The following KIF21B variants were observed in gnomAD, a reference collection of about 807,000 sequenced individuals.
The protein encoded by KIF21B is kinesin family member 21B, also known as kinesin-like protein KIF21B.
A neutral mutation model predicts 192.9 loss-of-function variants in KIF21B; 85 were observed. That is an observed-to-expected ratio of 0.44 (90% CI 0.37 to 0.53). The LOEUF (loss-of-function observed/expected upper bound fraction) is 0.53. Among genes scored for constraint, KIF21B ranks in the 20% least tolerant of loss-of-function variants. The pLI is 0.00. For missense variants in KIF21B, 1,716 were observed against 2,194.8 expected (o/e 0.78, Z 4.36); for synonymous variants, 832 against 884.6 (o/e 0.94, Z 1.05).
intron 33 of KIF21B, 68 bp from the exon 34 acceptor site, chr1:200,974,981 C>G: frequency 6.6e-7 from 1 of 1,508,450 alleles, no homozygotes; most frequent in Non-Finnish European, 9.1e-7. Context: ...CCCAGGGCCC[C>G]TCTTGCTAGT....
chr1:201,008,489 G>A (rs1413734253), intron 3 of KIF21B, among the ~76,000 whole-genome samples: 2 of 152,170 alleles, frequency 1.3e-5, no homozygotes, highest in South Asian at 2.1e-4. Flanking sequence ...CTAGCCCAAG[G>A]TCACAAGGCT....
chr1:201,005,070 T>A (rs1406921088), intron 5 of KIF21B, 137 bp from the exon 6 acceptor site: 1 of 1,074,534 alleles, frequency 9.3e-7, no homozygotes, highest in Non-Finnish European at 1.3e-6. Flanking sequence ...CATCTGACAA[T>A]GTGCACAGTA....
At chr1:200,976,999 C>T in intron 31 of KIF21B, 106 bp from the exon 32 acceptor site, 1 of 982,608 alleles carries the variant, frequency 1.0e-6, no homozygotes, top group Admixed American at 2.4e-5. Flanking sequence ...GGTACTCACC[C>T]TCCCCTCTCG....
rs1655192225 is a variant in KIF21B at position 200,971,156 on chromosome 1, G to A, written c.*2365C>T. 6.5e-6 allele frequency: 1 copy of A among 152,830 alleles called. No individual in the cohort carries two copies. The highest frequency in any genetic ancestry group is 2.1e-4 in the South Asian group (1 of 4,838). The allele number at this position is 152,830 out of a possible 1,614,324, so 9.5% of individuals were successfully genotyped here. A position where few individuals can be genotyped will look rare whatever the true frequency, so the allele number is the denominator to read the frequency against. On this transcript the variant is annotated 3_prime_UTR_variant, in exon 35 of 35. Transcript: ENST00000461742. ...GGGCCTGCCCCCTAACATGGACCTT[G>A]GACATCCCTGAAAGAGTGGGCAGAG... is the stretch of plus-strand genomic sequence containing the variant.
At position 200,986,650 on chromosome 1, in the gene KIF21B, G is replaced by A. The variant is rs376297088; in HGVS notation, c.3689+194C>T. Among the ~76,000 whole-genome samples the A allele has an allele frequency of 1.3e-5, 2 of 152,110 alleles. No individual in the cohort carries two copies. The highest frequency in any genetic ancestry group is 4.8e-5 in the African/African-American group (2 of 41,418). ...TGGGATTACAGGTGTGAGCCATCAC[G>A]CCTGGCCCATTTCTTCAGTCCACAC... On this transcript the variant is annotated intron_variant, in intron 26 of 34. Coordinates refer to ENST00000461742, the MANE Select transcript of KIF21B (RefSeq NM_001252102.2).
At chr1:201,009,552 C>T in intron 1 of KIF21B, 64 bp from the exon 2 acceptor site, 2 of 1,447,266 alleles carry the variant, frequency 1.4e-6, no homozygotes, top group Non-Finnish European at 1.9e-6. Context: ...CAGGCCCCTC[C>T]CTCACACTGC....
At position 201,000,724 on chromosome 1, in the gene KIF21B, C is replaced by T; in HGVS notation, c.1459G>A (p.Glu487Lys). The change falls in exon 10 of 35, where the codon GAG becomes AAG. Residue 487 changes from glutamate (E) to lysine (K), a missense_variant. Around this residue, in one of 3 missense-constraint regions of KIF21B, gnomAD observed 1,087 missense variants for 1,316.6 expected, o/e 0.83. Coordinates refer to ENST00000461742, the MANE Select transcript of KIF21B (RefSeq NM_001252102.2). This position sits in a 1 kb window ranked among gnomAD's most constrained non-coding sequence, Gnocchi z 6.0. ...CGGAGCTCACTCACTCACCGTAGCT[C>T]CTCGATCTCCCGGATGTAGTTCTGG... ...LIQNYIREIE[E>K]LRTKLLESEA... 6.2e-7 allele frequency: 1 copy of T among 1,614,238 alleles called. No homozygotes were observed. The highest frequency in any genetic ancestry group is 8.5e-7 in the Non-Finnish European group (1 of 1,180,032).
At chr1:200,986,635 G>A (rs1225557182) in intron 26 of KIF21B, among the ~76,000 whole-genome samples, 2 of 152,206 alleles carry the variant, frequency 1.3e-5, no homozygotes, top group Non-Finnish European at 2.9e-5. Context: ...TGGGATTACA[G>A]GTGTGAGCCA....
In KIF21B at chr1:200,982,939, AG is replaced by A. The variant is rs1217948679; in HGVS notation, c.3842+116del. ...AGGGGGGCAGCAGGAAGGGGAGTGG[AG>A]GGGCCGCATGCTGAGGACACGGGTG... On this transcript the variant is annotated intron_variant, in intron 28 of 34. Coordinates refer to ENST00000461742, the MANE Select transcript of KIF21B (RefSeq NM_001252102.2). This position sits in a 1 kb window ranked among gnomAD's most constrained non-coding sequence, Gnocchi z 4.7. 2.3e-6 allele frequency: 2 copies of A among 872,976 alleles called. No individual in the cohort carries two copies. The highest frequency in any genetic ancestry group is 1.7e-5 in the African/African-American group (1 of 60,442). The allele number at this position is 872,976 out of a possible 1,614,324, so 54.1% of individuals were successfully genotyped here.
At chr1:201,019,636 C>T (rs750198297) in intron 1 of KIF21B, among the ~76,000 whole-genome samples, 43 of 151,920 alleles carry the variant, frequency 2.8e-4, no homozygotes, top group Non-Finnish European at 5.6e-4. Context: ...GGGAGGTTTC[C>T]GGGGCCTGTG....
rs1658594350 is a variant in KIF21B, at chr1:201,017,872, A to C, written c.41+5471T>G. Among the ~76,000 whole-genome samples, 3 of 152,244 alleles carry C rather than the reference A, an allele frequency of 2.0e-5. No homozygotes were observed. Among genetic ancestry groups the C allele is most frequent in the African/African-American group, 7.2e-5 (3 of 41,464 alleles). ...TGACCTCCTTTCCACACCCCAGAGC[A>C]GCTGGAGGTGAAAGAGAAAGTCCTC... On this transcript the variant is annotated intron_variant, in intron 1 of 34. Coordinates refer to ENST00000461742, the MANE Select transcript of KIF21B (RefSeq NM_001252102.2). This position sits in a 1 kb window ranked among gnomAD's most constrained non-coding sequence, Gnocchi z 4.1.
Position 201,003,678 on chromosome 1 carries a change from C to T in KIF21B, c.1120G>A (p.Val374Met), listed in dbSNP as rs1194314570. 1 of 1,614,102 alleles carries T rather than the reference C, an allele frequency of 6.2e-7. No individual in the cohort carries two copies. Among genetic ancestry groups the T allele is most frequent in the African/African-American group, 1.3e-5 (1 of 74,932 alleles). Residue 374 changes from valine to methionine, a missense_variant, in exon 8 of 35, where the codon GTG becomes ATG. Transcript: ENST00000461742. ...CTGGTCTTGTCCTGGTTCACTACCA[C>T]CTTGTTCTTGATGTTGCGGGCCCGA... is the stretch of plus-strand genomic sequence containing the variant. ...ANRARNIKNK[V>M]VVNQDKTSQQ...
intron 15 of KIF21B, among the ~76,000 whole-genome samples, chr1:200,995,033 G>A (rs1164504438): frequency 1.3e-5 from 2 of 152,258 alleles, no homozygotes; most frequent in African/African-American, 2.4e-5. Context: ...ACTCTAGTCA[G>A]GTTGATGAAG....
At position 200,988,476 on chromosome 1, in the gene KIF21B, C is replaced by A; in HGVS notation, c.3350+17G>T. On this transcript the variant is annotated intron_variant, in intron 23 of 34. Coordinates refer to ENST00000461742, the MANE Select transcript of KIF21B (RefSeq NM_001252102.2). ...CATGCTGTGAGCCAGCCTCTCACTC[C>A]CAGCTTGCAAACTCACCTGCCCTCA... The A allele has an allele frequency of 6.2e-7, 1 of 1,611,154 alleles. No homozygotes were observed. The highest frequency in any genetic ancestry group is 8.5e-7 in the Non-Finnish European group (1 of 1,178,360).
At position 200,980,289 on chromosome 1, in the gene KIF21B, C is replaced by G. The variant is rs555956295; in HGVS notation, c.3980-574G>C. ...TTGCTTATTGAGATAGGGTCTTGCT[C>G]TGTTGCCCAGGCTGGAGTGTAATTG... is the stretch of plus-strand genomic sequence containing the variant. On this transcript the variant is annotated intron_variant, in intron 29 of 34. Transcript: ENST00000461742. Among the ~76,000 whole-genome samples the G allele has an allele frequency of 3.9e-5, 6 of 152,330 alleles. No homozygotes were observed. The South Asian group carries it at 1.2e-3, about 32-fold the overall frequency.
intron 3 of KIF21B, among the ~76,000 whole-genome samples, 199 bp from the exon 4 acceptor site, chr1:201,005,893 C>T: frequency 6.6e-6 from 1 of 152,178 alleles, no homozygotes; most frequent in South Asian, 2.1e-4. Context: ...CTGGAGGCTG[C>T]ACACTGTTCC....
chr1:200,999,790 C>T lies in KIF21B; in HGVS notation c.1767+93G>A. 8.0e-7 allele frequency: 1 copy of T among 1,242,754 alleles called. No homozygotes were observed. The highest frequency in any genetic ancestry group is 1.2e-6 in the Non-Finnish European group (1 of 852,046). The allele number at this position is 1,242,754 out of a possible 1,614,324, so 77.0% of individuals were successfully genotyped here. A position where few individuals can be genotyped will look rare whatever the true frequency, so the allele number is the denominator to read the frequency against. On this transcript the variant is annotated intron_variant, in intron 12 of 34. Transcript: ENST00000461742. The surrounding 1 kb of genome is among the most constrained non-coding windows in gnomAD (Gnocchi z 4.7). ...TGGATGCAGACCCAACCGCCTCCTT[C>T]ACTCCATACAAGGATGCGGATGGGG... is the stretch of plus-strand genomic sequence containing the variant.
rs75430735 is a variant in KIF21B at position 201,002,466 on chromosome 1, A to G, written c.1213-116T>C. On this transcript the variant is annotated intron_variant, in intron 8 of 34. Coordinates refer to ENST00000461742, the MANE Select transcript of KIF21B (RefSeq NM_001252102.2). ...CCTGGCCTTCCCCTGGATATGGCGCATCACCAGTCTCCCCTGCCCCAGGTT... is the reference window on the plus strand; with the variant it reads ...CCTGGCCTTCCCCTGGATATGGCGCGTCACCAGTCTCCCCTGCCCCAGGTT... 2.0e-3 allele frequency: 1,771 copies of G among 865,380 alleles called. 49 individuals carry two copies. In the East Asian group the frequency reaches 0.04, roughly 20 times the overall value. 53.6% of individuals were successfully genotyped at this position (865,380 alleles called of 1,614,324 possible).
chr1:201,009,595 G>A (rs1658119054), intron 1 of KIF21B, 107 bp from the exon 2 acceptor site: 1 of 1,075,954 alleles, frequency 9.3e-7, no homozygotes, highest in East Asian at 2.5e-5. Context: ...ATGAGCCAGA[G>A]GAAAAGGAAG....
Sources: allele counts gnomAD v4.1 joint callset (sites outside exome capture counted in the v4.1 genomes callset), GRCh38; gene constraint gnomAD v4.1.1; regional missense constraint gnomAD v4.1.1; non-coding constraint Gnocchi (gnomAD v3.1); transcripts MANE v1.5; gene names NCBI Gene and HGNC (gene_info 2026-07-23, HGNC 2026-07-21).